IST1: variants seen among roughly 807,000 people sequenced by gnomAD.
IST1 encodes IST1 factor associated with ESCRT-III, also known as IST1 homolog.
In IST1, 23 loss-of-function variants were observed where a neutral mutation model predicts 37.0. The ratio of observed to expected loss-of-function variants is 0.62; its 90% CI spans 0.45 to 0.88. The LOEUF is 0.88. IST1 is among the 40% of genes least tolerant of loss of function. IST1 has a pLI of 0.00. For missense variants in IST1, 488 were observed against 445.4 expected (o/e 1.10, Z -0.86); for synonymous variants, 180 against 161.7 (o/e 1.11, Z -0.86).
At chr16:71,920,381 A>C (rs538245953) in intron 4 of IST1, among the ~76,000 whole-genome samples, 1 of 152,326 alleles carries the variant, frequency 6.6e-6, no homozygotes, top group South Asian at 2.1e-4. Context: ...CTTTTAAAAG[A>C]AGCTTATTTC....
rs1368318960 is a variant in IST1 at position 71,929,429 on chromosome 16, C to T, written c.*1616C>T. On this transcript the variant is annotated 3_prime_UTR_variant, in exon 10 of 10. Transcript: ENST00000378799. Reference sequence around the variant, plus strand: ...ACTTGGGACCAAGGGGATTTTGATTCCTAACTTACAGAATTAAAAACAAAG... The same window carrying T: ...ACTTGGGACCAAGGGGATTTTGATTTCTAACTTACAGAATTAAAAACAAAG... 104 of 1,154,606 alleles carry T rather than the reference C, an allele frequency of 9.0e-5. No individual in the cohort carries two copies. Among genetic ancestry groups the T allele is most frequent in the Non-Finnish European group, 1.2e-4 (103 of 845,742 alleles). The allele number at this position is 1,154,606 out of a possible 1,614,324, so 71.5% of individuals were successfully genotyped here.
At chr16:71,895,394 G>A (rs927548070), upstream of IST1, 9 of 394,356 alleles carry the variant, frequency 2.3e-5, no homozygotes, top group Admixed American at 6.4e-5. Context: ...AGGAAACCGA[G>A]GGAGGGTGCC....
intron 1 of IST1, among the ~76,000 whole-genome samples, chr16:71,900,615 G>GCTGAT (rs1438691793): frequency 6.6e-6 from 1 of 151,980 alleles, no homozygotes; most frequent in Non-Finnish European, 1.5e-5. Flanking sequence ...GGATTGGGCT[G>GCTGAT]CTGATCCATG....
rs1388055816 is a variant in IST1, at chr16:71,923,078, A to G, written c.760-210A>G. The G allele has an allele frequency of 6.3e-6, 3 of 479,936 alleles. No homozygotes were observed. The East Asian group carries it at 1.1e-4, about 17-fold the overall frequency. 29.7% of individuals were successfully genotyped at this position (479,936 alleles called of 1,614,324 possible). A position where few individuals can be genotyped will look rare whatever the true frequency, so the allele number is the denominator to read the frequency against. ...TCCCTTGTAAACACTGAAGCACTTG[A>G]TTCAATAAAGAATAGCCTTTGGCTC... is the stretch of plus-strand genomic sequence containing the variant. On this transcript the variant is annotated intron_variant, in intron 7 of 9. Transcript: ENST00000378799.
chr16:71,897,091 C>T (rs2036989643), intron 1 of IST1, among the ~76,000 whole-genome samples: 1 of 151,822 alleles, frequency 6.6e-6, no homozygotes, highest in Non-Finnish European at 1.5e-5. Flanking sequence ...GCACTCCCTG[C>T]AGCTTCGACC....
intron 1 of IST1, among the ~76,000 whole-genome samples, chr16:71,896,587 A>G (rs1451597613): frequency 6.6e-6 from 1 of 152,108 alleles, no homozygotes; most frequent in Non-Finnish European, 1.5e-5. Flanking sequence ...CTCCTTTCCC[A>G]GTAGAAGCCT....
intron 1 of IST1, among the ~76,000 whole-genome samples, chr16:71,900,670 T>TAC (rs1491105247): frequency 1.9e-3 from 103 of 53,468 alleles, no homozygotes; most frequent in Non-Finnish European, 3.3e-4. Flanking sequence ...TAAAGATAAG[T>TAC]ATATATGTAT....
chr16:71,897,949 A>G (rs1348265418), intron 1 of IST1, among the ~76,000 whole-genome samples: 1 of 152,196 alleles, frequency 6.6e-6, no homozygotes, highest in African/African-American at 2.4e-5. Context: ...AATCCGTCTC[A>G]AAAAGAAAAA....
intron 9 of IST1, 34 bp from the exon 10 acceptor site, chr16:71,927,580 G>T (rs199547471): frequency 6.9e-7 from 1 of 1,443,178 alleles, no homozygotes; most frequent in South Asian, 1.1e-5. Context: ...CATTTCTCTG[G>T]TATTTGTAAC....
chr16:71,915,996 A>G (rs941019607), intron 2 of IST1, among the ~76,000 whole-genome samples: 1 of 151,776 alleles, frequency 6.6e-6, no homozygotes, highest in Non-Finnish European at 1.5e-5. Flanking sequence ...ACACCTGGCT[A>G]ATTTTCATGT....
chr16:71,894,833 T>C, upstream of IST1: 1 of 1,533,582 alleles, frequency 6.5e-7, no homozygotes, highest in South Asian at 1.2e-5. Flanking sequence ...TAAGCAGCGA[T>C]AATGGTTTTC....
At chr16:71,925,235 G>C (rs905284307) in intron 9 of IST1, among the ~76,000 whole-genome samples, 4 of 151,520 alleles carry the variant, frequency 2.6e-5, no homozygotes, top group African/African-American at 7.3e-5. Flanking sequence ...GGATGGTCTC[G>C]ATCTCCTGAC....
intron 1 of IST1, among the ~76,000 whole-genome samples, chr16:71,904,805 C>T (rs1225136152): frequency 6.6e-6 from 1 of 152,140 alleles, no homozygotes; most frequent in African/African-American, 2.4e-5. Context: ...TTGTTGTTGA[C>T]AGTATATAGT....
intron 1 of IST1, among the ~76,000 whole-genome samples, chr16:71,897,172 CTTTTTTTT>C (rs35671031): frequency 1.5e-5 from 1 of 65,532 alleles, no homozygotes; most frequent in South Asian, 6.6e-4. Context: ...CCACGCCTGG[CTTTTTTTT>C]TTTTTTTTTT....
chr16:71,900,205 A>G (rs577028256), intron 1 of IST1, among the ~76,000 whole-genome samples: 1 of 150,700 alleles, frequency 6.6e-6, no homozygotes, highest in South Asian at 2.1e-4. Context: ...AAAATAACAC[A>G]CGTCAAAACC....
At chr16:71,898,857 C>G (rs575040095) in intron 1 of IST1, among the ~76,000 whole-genome samples, 1 of 147,756 alleles carries the variant, frequency 6.8e-6, no homozygotes, top group African/African-American at 2.5e-5. Flanking sequence ...CCCAGCTACT[C>G]GGGAGGCTGA....
At chr16:71,917,313 T>C (rs1168870992) in intron 4 of IST1, among the ~76,000 whole-genome samples, 179 bp downstream of exon 4, 2 of 150,514 alleles carry the variant, frequency 1.3e-5, no homozygotes, top group African/African-American at 4.8e-5. Context: ...TAGAACAGTG[T>C]TTTGCAAACT....
chr16:71,915,855 G>C, intron 2 of IST1, 127 bp downstream of exon 2: 1 of 597,970 alleles, frequency 1.7e-6, no homozygotes, highest in Non-Finnish European at 2.9e-6. Context: ...TGTTGAGACA[G>C]GGTCTCACTC....
intron 8 of IST1, among the ~76,000 whole-genome samples, chr16:71,923,763 A>G (rs911996540): frequency 6.6e-6 from 1 of 152,204 alleles, no homozygotes; most frequent in African/African-American, 2.4e-5. Flanking sequence ...TGTTCTCAAC[A>G]CATGTAAAGG....
Sources: allele counts gnomAD v4.1 joint callset (sites outside exome capture counted in the v4.1 genomes callset), GRCh38; gene constraint gnomAD v4.1.1; transcripts MANE v1.5; gene names NCBI Gene and HGNC (gene_info 2026-07-23, HGNC 2026-07-21).